The following DTNA variants were observed in gnomAD, a reference collection of about 807,000 sequenced individuals.
DTNA encodes the protein dystrobrevin alpha.
DTNA carries 43 observed loss-of-function variants against 100.7 expected under a neutral mutation model. The ratio of observed to expected loss-of-function variants is 0.43; its 90% confidence interval spans 0.33 to 0.55. The LOEUF (loss-of-function observed/expected upper bound fraction) is 0.55, where lower values mean the gene tolerates loss of function less well. Ranked by LOEUF, DTNA falls within the 20% of genes least tolerant of loss-of-function variation. The pLI, the probability that DTNA is intolerant of heterozygous loss-of-function variation, is 0.04. For missense variants in DTNA, 798 were observed against 953.9 expected, an observed-to-expected ratio of 0.84 and a Z score of 2.15; for synonymous variants, 349 against 347.9, an observed-to-expected ratio of 1.00 and a Z score of -0.04.
intron 1 of DTNA, among the ~76,000 whole-genome samples, chr18:34,587,733 G>A (rs1012235539): frequency 5.3e-5 from 8 of 152,058 alleles, no homozygotes; most frequent in Admixed American, 5.2e-4. Flanking sequence ...CAGAGTTTTG[G>A]TCTACTTGGG....
chr18:34,668,866 T>C (rs2144920336), intron 1 of DTNA, among the ~76,000 whole-genome samples: 1 of 152,314 alleles, frequency 6.6e-6, no homozygotes, highest in East Asian at 1.9e-4. Flanking sequence ...AATTTTGGAA[T>C]AGGTGTGGTG....
At chr18:34,543,324 CA>C (rs564395284) in intron 1 of DTNA, among the ~76,000 whole-genome samples, 5 of 151,674 alleles carry the variant, frequency 3.3e-5, no homozygotes, top group South Asian at 4.2e-4. Context: ...ATAATTTCTC[CA>C]AAAAAATTCT....
chr18:34,811,848 A>AT, intron 5 of DTNA, 111 bp from the exon 6 acceptor site: 2 of 1,261,620 alleles, frequency 1.6e-6, no homozygotes, highest in Non-Finnish European at 2.2e-6. Context: ...TTATTCTTTC[A>AT]TAAAAAATGT....
chr18:34,858,340 C>A lies in DTNA; in HGVS notation c.1588C>A (p.Pro530Thr). 2.5e-6 allele frequency: 4 copies of A among 1,614,138 alleles called. No homozygotes were observed. The South Asian group carries it at 3.3e-5, about 13-fold the overall frequency. Residue 530 changes from proline to threonine, a missense_variant, in exon 16 of 23, where the codon CCC becomes ACC. Physicochemically the swap from Pro to Thr is conservative, Grantham distance 38 (BLOSUM62 -1). Around this residue, in one of 6 missense-constraint regions of DTNA, gnomAD observed 159 missense variants for 201.2 expected, o/e 0.79. Transcript: ENST00000444659. ...GCTAGAGCATGAACAAGCTTCTCAG[C>A]CCACGCCAGAGAAGGCACAGCAAAA... ...LRLEHEQASQPTPEKAQQNPT... is the reference protein window; with the variant it reads ...LRLEHEQASQTTPEKAQQNPT...
chr18:34,532,778 G>GTGTT (rs770491646), intron 1 of DTNA, among the ~76,000 whole-genome samples: 2 of 151,310 alleles, frequency 1.3e-5, no homozygotes, highest in Non-Finnish European at 2.9e-5. Context: ...ATATGTGTGT[G>GTGTT]TGTGTATGCA....
intron 1 of DTNA, among the ~76,000 whole-genome samples, chr18:34,512,237 A>T (rs1568564887): frequency 6.6e-6 from 1 of 150,668 alleles, no homozygotes; most frequent in Non-Finnish European, 1.5e-5. Context: ...TCCCTCAACC[A>T]TTTTTTTTTC....
At chr18:34,519,948 A>G (rs368073055) in intron 1 of DTNA, among the ~76,000 whole-genome samples, 31 of 152,180 alleles carry the variant, frequency 2.0e-4, no homozygotes, top group East Asian at 1.9e-4. Context: ...CTGAAATACC[A>G]TAGTACCTAT....
intron 1 of DTNA, among the ~76,000 whole-genome samples, chr18:34,503,112 A>G (rs1469139443): frequency 1.3e-5 from 2 of 151,904 alleles, no homozygotes; most frequent in East Asian, 3.9e-4. Flanking sequence ...CCCTCTCTGT[A>G]TCTGGTAGTT....
intron 1 of DTNA, among the ~76,000 whole-genome samples, chr18:34,531,148 CAT>C (rs1038551647): frequency 7.9e-5 from 12 of 152,110 alleles, no homozygotes; most frequent in African/African-American, 1.9e-4. Context: ...ACATGAGAAA[CAT>C]AGTTTTCCTG....
intron 1 of DTNA, among the ~76,000 whole-genome samples, chr18:34,682,666 T>A (rs2078292708): frequency 6.6e-6 from 1 of 152,168 alleles, no homozygotes; most frequent in African/African-American, 2.4e-5. Flanking sequence ...TGGTGAGGTG[T>A]CTGTTCCGAT....
chr18:34,791,786 A>G (rs938597911), intron 3 of DTNA, among the ~76,000 whole-genome samples: 1 of 152,182 alleles, frequency 6.6e-6, no homozygotes, highest in African/African-American at 2.4e-5. Flanking sequence ...CACATTATTT[A>G]CTTGTTCATC....
Position 34,858,299 on chromosome 18 carries a change from A to T in DTNA, c.1547A>T (p.Glu516Val). 6.2e-7 allele frequency: 1 copy of T among 1,614,144 alleles called. No homozygotes were observed. The highest frequency in any genetic ancestry group is 2.2e-5 in the East Asian group (1 of 44,864). Residue 516 changes from glutamate (E) to valine (V), a missense_variant, in exon 16 of 23, where the codon GAG (glutamate) becomes GTG (valine). By Grantham distance (121) the Glu-to-Val change is moderately radical (BLOSUM62 -2). Transcript: ENST00000444659. ...LENKNREILQ[E>V]IQRLRLEHEQ... ...TCTCTCCCAAGAGAAATCTTACAGGAGATCCAGAGACTTCGGCTAGAGCAT... is the reference window on the plus strand; with the variant it reads ...TCTCTCCCAAGAGAAATCTTACAGGTGATCCAGAGACTTCGGCTAGAGCAT...
At chr18:34,656,394 G>C (rs2144250696) in intron 1 of DTNA, among the ~76,000 whole-genome samples, 1 of 152,274 alleles carries the variant, frequency 6.6e-6, no homozygotes, top group Admixed American at 6.5e-5. Context: ...GAATAGAAGG[G>C]TTCTTCTTAC....
chr18:34,507,700 A>G (rs1289409326), intron 1 of DTNA, among the ~76,000 whole-genome samples: 1 of 152,204 alleles, frequency 6.6e-6, no homozygotes, highest in African/African-American at 2.4e-5. Flanking sequence ...CCTCAGCAGC[A>G]TCAGCACAAC....
chr18:34,836,027 A>G (rs993909023), intron 11 of DTNA, among the ~76,000 whole-genome samples: 1 of 152,208 alleles, frequency 6.6e-6, no homozygotes, highest in African/African-American at 2.4e-5. Context: ...TAAATTATGT[A>G]ATAGATTCAT....
At chr18:34,564,103 C>T (rs184023571) in intron 1 of DTNA, among the ~76,000 whole-genome samples, 1 of 151,808 alleles carries the variant, frequency 6.6e-6, no homozygotes, top group Non-Finnish European at 1.5e-5. Flanking sequence ...AGGCTTTTAT[C>T]GTATAATTGC....
At chr18:34,617,236 A>T (rs575038857) in intron 1 of DTNA, among the ~76,000 whole-genome samples, 2 of 152,162 alleles carry the variant, frequency 1.3e-5, no homozygotes, top group East Asian at 3.9e-4. Context: ...TTGCCCATTC[A>T]GTATGATGTT....
intron 12 of DTNA, 43 bp downstream of exon 12, chr18:34,838,214 ACT>A: frequency 6.2e-7 from 1 of 1,600,230 alleles, no homozygotes; most frequent in Non-Finnish European, 8.6e-7. Flanking sequence ...CATTAACTAA[ACT>A]AAAAATGGAG....
chr18:34,532,448 TC>T (rs1483385357), intron 1 of DTNA, among the ~76,000 whole-genome samples: 1 of 152,076 alleles, frequency 6.6e-6, no homozygotes, highest in East Asian at 1.9e-4. Context: ...TCAGTTGAGA[TC>T]ATTCTATGGA....
Sources: gnomAD v4.1 joint callset for allele counts (sites outside exome capture counted in the v4.1 genomes callset) on GRCh38, gnomAD v4.1.1 for gene constraint, gnomAD v4.1.1 regional missense constraint, MANE v1.5 for transcripts, NCBI Gene and HGNC (gene_info 2026-07-23, HGNC 2026-07-21) for gene names.